Variants in WNK2 observed in about 807,000 individuals in gnomAD.
WNK2 encodes the protein serine/threonine-protein kinase WNK2.
Under a neutral mutation model 192.1 loss-of-function variants are expected in WNK2, and 67 were observed. The observed-to-expected ratio is 0.35, with a 90% CI of 0.29 to 0.43. The LOEUF is 0.43. Among genes scored for constraint, WNK2 ranks in the 20% least tolerant of loss-of-function variants. The probability of loss-of-function intolerance (pLI) is 1.00; values close to 1 mark genes in which losing one functional copy is unlikely to be tolerated. For missense variants in WNK2, 2,698 were observed against 3,089.7 expected (o/e 0.87, Z 3.01); for synonymous variants, 1,439 against 1,393.9 (o/e 1.03, Z -0.72).
At position 93,290,036 on chromosome 9, in the gene WNK2, C is replaced by T. The variant is rs1849074452; in HGVS notation, c.4925C>T (p.Ser1642Leu). ...GCCGTGATGGAGCAGGGCACGTCCT[C>T]GTCAATGACAGGTAACAGCTTCCTG... ...RGAVMEQGTS[S>L]SMTAESSPRS... is the part of the protein sequence containing the mutation. The change falls in exon 21 of 30, where the codon TCG (serine) becomes TTG (leucine). Residue 1642 changes from serine to leucine, a missense_variant. This residue lies in a region of WNK2 where 1,098 missense variants were observed against 1,101.0 expected (regional missense o/e 1.00). Transcript: ENST00000427277. 6.4e-7 allele frequency: 1 copy of T among 1,572,752 alleles called. No homozygotes were observed. Among genetic ancestry groups the T allele is most frequent in the South Asian group, 1.2e-5 (1 of 85,614 alleles).
intron 2 of WNK2, among the ~76,000 whole-genome samples, chr9:93,200,830 A>G (rs1415065293): frequency 1.3e-5 from 2 of 152,340 alleles, no homozygotes; most frequent in East Asian, 3.9e-4. Flanking sequence ...AAACTTGGCT[A>G]GGCGCATTTA....
At chr9:93,319,912 G>A (rs1039702474) in intron 29 of WNK2, among the ~76,000 whole-genome samples, 2 of 152,208 alleles carry the variant, frequency 1.3e-5, no homozygotes, top group East Asian at 1.9e-4. Flanking sequence ...TGCATTGCAG[G>A]CCTCACTGTG....
intron 29 of WNK2, chr9:93,319,300 C>A (rs1855231089): frequency 1.4e-6 from 2 of 1,452,902 alleles, no homozygotes; most frequent in Non-Finnish European, 1.8e-6. Context: ...GGAGCCAGTT[C>A]TGGGCTCAGC....
chr9:93,219,278 G>A (rs1048044043), intron 2 of WNK2, among the ~76,000 whole-genome samples: 7 of 152,246 alleles, frequency 4.6e-5, no homozygotes, highest in African/African-American at 1.4e-4. Context: ...TCAACATGCC[G>A]TGGGCGGGGC....
intron 3 of WNK2, among the ~76,000 whole-genome samples, chr9:93,230,132 C>T (rs143076448): frequency 1.2e-4 from 18 of 152,156 alleles, no homozygotes; most frequent in Admixed American, 4.6e-4. Flanking sequence ...AGGCTCAGGA[C>T]GCAGGCTGGG....
intron 7 of WNK2, among the ~76,000 whole-genome samples, chr9:93,243,456 C>T (rs7031917): frequency 0.084 from 12,753 of 152,248 alleles, 994 homozygotes; most frequent in African/African-American, 0.2. Context: ...TTGGCCCGAG[C>T]ACCTTCACCC....
At chr9:93,258,519 G>A (rs1273183133) in intron 11 of WNK2, among the ~76,000 whole-genome samples, 1 of 152,168 alleles carries the variant, frequency 6.6e-6, no homozygotes, top group East Asian at 1.9e-4. Context: ...GAATGAAAAT[G>A]CTCCAGGGCT....
chr9:93,265,790 A>G (rs921666679), intron 16 of WNK2, among the ~76,000 whole-genome samples: 1 of 152,186 alleles, frequency 6.6e-6, no homozygotes, highest in African/African-American at 2.4e-5. Flanking sequence ...CATCAGCCAC[A>G]TCAGCCTGTG....
At chr9:93,244,423 G>A (rs959391818) in intron 7 of WNK2, among the ~76,000 whole-genome samples, 5 of 152,202 alleles carry the variant, frequency 3.3e-5, no homozygotes, top group Admixed American at 6.5e-5. Context: ...AATGCAATGC[G>A]CCTGTGTGGC....
At chr9:93,280,212 C>T (rs1334452538) in intron 19 of WNK2, among the ~76,000 whole-genome samples, 5 of 152,202 alleles carry the variant, frequency 3.3e-5, no homozygotes, top group East Asian at 3.9e-4. Flanking sequence ...AGAAAATAAA[C>T]GATCTATTGA....
At chr9:93,294,599 C>G (rs982610726) in intron 23 of WNK2, among the ~76,000 whole-genome samples, 1 of 152,032 alleles carries the variant, frequency 6.6e-6, no homozygotes, top group African/African-American at 2.4e-5. Flanking sequence ...GTGGCTGCTA[C>G]GAAGAGAAGC....
At chr9:93,297,457 AAC>A (rs1850797118) in intron 23 of WNK2, among the ~76,000 whole-genome samples, 1 of 152,202 alleles carries the variant, frequency 6.6e-6, no homozygotes, top group Non-Finnish European at 1.5e-5. Flanking sequence ...TGGAGGAAAT[AAC>A]ACACATTTGC....
chr9:93,259,040 C>T lies in WNK2; in HGVS notation c.2492C>T (p.Pro831Leu). Reference protein sequence around the residue: ...PTATVPPVPPPQYFSPAVILP... With the variant: ...PTATVPPVPPLQYFSPAVILP... ...GCGACTGTGCCTCCCGTGCCACCAC[C>T]TCAGTATTTCTCTCCAGCCGTGATC... Residue 831 changes from proline to leucine, a missense_variant, in exon 12 of 30, where the codon CCT becomes CTT. This residue lies in a region of WNK2 where 893 missense variants were observed against 909.0 expected (regional missense o/e 0.98). Transcript: ENST00000427277. This position sits in a 1 kb window ranked among gnomAD's most constrained non-coding sequence, Gnocchi z 4.8. The T allele has an allele frequency of 6.2e-7, 1 of 1,613,064 alleles. No homozygotes were observed. The highest frequency in any genetic ancestry group is 8.5e-7 in the Non-Finnish European group (1 of 1,179,776).
Position 93,268,607 on chromosome 9 carries a change from G to C in WNK2, c.3914-20G>C, listed in dbSNP as rs905032263. 1.2e-6 allele frequency: 2 copies of C among 1,603,458 alleles called. No individual in the cohort carries two copies. The highest frequency in any genetic ancestry group is 2.7e-5 in the African/African-American group (2 of 74,556). On this transcript the variant is annotated intron_variant, in intron 18 of 29. Coordinates refer to ENST00000427277, the MANE Select transcript of WNK2 (RefSeq NM_006648.4). ...AAGGCGCTCACTCACTCAGCGTGCT[G>C]TTTCTGTTCTGCCCTTCAGTCCTGC...
chr9:93,229,930 G>A lies in WNK2; in HGVS notation c.854+62G>A. On this transcript the variant is annotated intron_variant, in intron 3 of 29. Transcript: ENST00000427277. The surrounding 1 kb of genome is among the most constrained non-coding windows in gnomAD (Gnocchi z 4.9). ...GCATGGGTGCAGGGCTACCATAGCT[G>A]AGGGTGAGGTCTTGGGCTGCTGGGG... is the stretch of plus-strand genomic sequence containing the variant. 1 of 1,574,800 alleles carries A rather than the reference G, an allele frequency of 6.4e-7. No homozygotes were observed. The highest frequency in any genetic ancestry group is 2.3e-5 in the East Asian group (1 of 43,810).
In WNK2 at chr9:93,292,793, C is replaced by T. The variant is rs753672407; in HGVS notation, c.5328C>T (p.Asp1776=). The part of the protein sequence containing the change: ...RYSAPPDVYL[D]EAPSSPDVKL... Reference sequence around the variant, plus strand: ...CTGCCCCACCCGACGTCTACCTGGACGAGGCCCCCTCCAGCCCCGACGTGA... The same window carrying T: ...CTGCCCCACCCGACGTCTACCTGGATGAGGCCCCCTCCAGCCCCGACGTGA... The change falls in exon 23 of 30, where the codon GAC becomes GAT. Residue 1776 remains aspartate, a synonymous_variant. Coordinates refer to ENST00000427277, the MANE Select transcript of WNK2 (RefSeq NM_006648.4). 7.7e-5 allele frequency: 119 copies of T among 1,549,394 alleles called. No individual in the cohort carries two copies. Among genetic ancestry groups the T allele is most frequent in the African/African-American group, 1.5e-4 (11 of 72,886 alleles).
In WNK2 at chr9:93,259,524, GC is replaced by G; in HGVS notation, c.2981del (p.Pro994ArgfsTer120). 1.3e-6 allele frequency: 2 copies of G among 1,576,438 alleles called. No homozygotes were observed. On this transcript the variant is annotated frameshift_variant, in exon 12 of 30. Coordinates refer to ENST00000427277, the MANE Select transcript of WNK2 (RefSeq NM_006648.4). LOFTEE classifies it high-confidence loss of function. The surrounding 1 kb of genome is among the most constrained non-coding windows in gnomAD (Gnocchi z 4.8). ...QPMLPPQPVL[P>X]PQPALPVRPE... is the part of the protein sequence containing the mutation. ...CCATGCTGCCCCCACAACCTGTGCTGCCCCCGCAGCCGGCACTGCCTGTGCG... is the reference window on the plus strand; with the variant it reads ...CCATGCTGCCCCCACAACCTGTGCTGCCCCGCAGCCGGCACTGCCTGTGCG...
chr9:93,266,352 T>A (rs1266062515), intron 16 of WNK2, among the ~76,000 whole-genome samples: 1 of 152,246 alleles, frequency 6.6e-6, no homozygotes, highest in Non-Finnish European at 1.5e-5. Flanking sequence ...GAAGTTTCAT[T>A]TAATTGGCGT....
chr9:93,266,227 T>C (rs1383161342), intron 16 of WNK2, among the ~76,000 whole-genome samples: 1 of 152,080 alleles, frequency 6.6e-6, no homozygotes, highest in Non-Finnish European at 1.5e-5. Context: ...TTTCTGTGAG[T>C]GTGAGGTACC....
Sources: gnomAD v4.1 joint callset for allele counts (sites outside exome capture counted in the v4.1 genomes callset) on GRCh38, gnomAD v4.1.1 for gene constraint, gnomAD v4.1.1 regional missense constraint, Gnocchi (gnomAD v3.1) non-coding constraint, MANE v1.5 for transcripts, NCBI Gene and HGNC (gene_info 2026-07-23, HGNC 2026-07-21) for gene names.